The following GRAMD4 variants were observed in gnomAD, a reference collection of about 807,000 sequenced individuals.
GRAMD4 encodes GRAM domain-containing protein 4.
In GRAMD4, 25 loss-of-function variants were observed where a neutral mutation model predicts 83.9. The observed-to-expected ratio is 0.30, with a 90% CI of 0.22 to 0.42. The LOEUF (loss-of-function observed/expected upper bound fraction) is 0.42, where lower values mean the gene tolerates loss of function less well. GRAMD4 is among the 10% of genes least tolerant of loss of function. The pLI is 1.00. For synonymous variants in GRAMD4, 336 were observed against 320.9 expected, an observed-to-expected ratio of 1.05 and a Z score of -0.50; for missense variants, 593 against 788.7, an observed-to-expected ratio of 0.75 and a Z score of 2.97.
At chr22:46,665,539 G>A (rs538447804) in intron 8 of GRAMD4, 76 bp from the exon 9 acceptor site, 4 of 781,898 alleles carry the variant, frequency 5.1e-6, no homozygotes, top group South Asian at 3.0e-5. Context: ...GCCGCCTGGT[G>A]GGGGGAGGCG....
intron 4 of GRAMD4, 35 bp downstream of exon 4, chr22:46,658,342 C>T (rs968876282): frequency 9.0e-6 from 14 of 1,549,206 alleles, no homozygotes; most frequent in South Asian, 8.2e-5. Flanking sequence ...GGCCTGTGTG[C>T]GGCTGCCCCA....
At chr22:46,616,662 C>CTG (rs199604804), upstream of GRAMD4, among the ~76,000 whole-genome samples, 8 of 68,490 alleles carry the variant, frequency 1.2e-4, no homozygotes, top group African/African-American at 3.2e-4. Flanking sequence ...GTACGTTCCC[C>CTG]TGTGTGTAGG....
intron 3 of GRAMD4, among the ~76,000 whole-genome samples, chr22:46,641,761 C>G (rs1316099055): frequency 6.6e-6 from 1 of 152,194 alleles, no homozygotes; most frequent in East Asian, 1.9e-4. Flanking sequence ...GATTATTGCT[C>G]AGAGCCATCA....
chr22:46,648,767 CATGGATGG>C (rs1220197647), intron 3 of GRAMD4, among the ~76,000 whole-genome samples: 8 of 24,772 alleles, frequency 3.2e-4, no homozygotes, highest in South Asian at 1.5e-3. Context: ...TGGATGGATG[CATGGATGG>C]ATGGATGGAT....
chr22:46,613,801 G>GCTGCTTC (rs1293307804), intron 1 of GRAMD4, among the ~76,000 whole-genome samples: 3 of 152,136 alleles, frequency 2.0e-5, no homozygotes, highest in Non-Finnish European at 2.9e-5. Flanking sequence ...TGCCCGGCTT[G>GCTGCTTC]CTGCTTCCTG....
intron 1 of GRAMD4, among the ~76,000 whole-genome samples, chr22:46,602,001 C>T (rs1198636457): frequency 6.6e-6 from 1 of 152,206 alleles, no homozygotes; most frequent in South Asian, 2.1e-4. Flanking sequence ...CTCCTCTCCT[C>T]CTCCTCGTTT....
chr22:46,651,159 C>T lies in GRAMD4; in HGVS notation c.284-7028C>T, dbSNP rs542388728. ...GAGCAGACCCCTGGATGAGAACTCA[C>T]GAGGCAGGCACAGATTTCTCTTTCC... On this transcript the variant is annotated intron_variant, in intron 3 of 18. Transcript: ENST00000406902. Among the ~76,000 whole-genome samples, 161 of 152,318 alleles carry T rather than the reference C, an allele frequency of 1.1e-3. 1 individual carries two copies. The highest frequency in any genetic ancestry group is 4.8e-3 in the South Asian group (23 of 4,828).
At chr22:46,675,718 C>G (rs549883425) in intron 17 of GRAMD4, among the ~76,000 whole-genome samples, 166 bp downstream of exon 17, 2 of 152,222 alleles carry the variant, frequency 1.3e-5, no homozygotes, top group African/African-American at 4.8e-5. Flanking sequence ...CCCCATGTCC[C>G]TGTGGGTCTG....
chr22:46,643,151 C>CCATG (rs2082006917), intron 3 of GRAMD4, among the ~76,000 whole-genome samples: 4 of 5,738 alleles, frequency 7.0e-4, no homozygotes, highest in East Asian at 9.4e-3. Context: ...TTCCATCCAT[C>CCATG]CATCCATCCA....
intron 3 of GRAMD4, among the ~76,000 whole-genome samples, chr22:46,643,280 T>TATCC (rs2082016130): frequency 4.9e-5 from 6 of 123,388 alleles, no homozygotes; most frequent in East Asian, 2.4e-4. Flanking sequence ...TCCATCCATC[T>TATCC]ATCCATCCAT....
intron 8 of GRAMD4, among the ~76,000 whole-genome samples, chr22:46,664,697 C>T (rs1256661020): frequency 6.6e-6 from 1 of 152,198 alleles, no homozygotes; most frequent in African/African-American, 2.4e-5. Flanking sequence ...AGCCCCCTCA[C>T]CCAGGATGGA....
chr22:46,611,612 C>G (rs138513), intron 1 of GRAMD4, among the ~76,000 whole-genome samples: 7 of 151,916 alleles, frequency 4.6e-5, no homozygotes, highest in African/African-American at 7.3e-5. Flanking sequence ...TTGTACACTC[C>G]GAGAAAGGCT....
intron 2 of GRAMD4, among the ~76,000 whole-genome samples, chr22:46,635,655 CCCACTCCCAG>C (rs1383718675): frequency 6.4e-5 from 9 of 139,832 alleles, no homozygotes; most frequent in Non-Finnish European, 1.2e-4. Context: ...CCTCCCTGCC[CCCACTCCCAG>C]CCACCCCTGT....
At chr22:46,600,185 A>C (rs749449368) in intron 1 of GRAMD4, among the ~76,000 whole-genome samples, 34 of 152,108 alleles carry the variant, frequency 2.2e-4, no homozygotes, top group Non-Finnish European at 4.3e-4. Flanking sequence ...CCTGCCTGTG[A>C]CCAGTGCCCG....
chr22:46,639,784 G>A (rs957824534), intron 3 of GRAMD4, among the ~76,000 whole-genome samples: 1 of 152,104 alleles, frequency 6.6e-6, no homozygotes, highest in Non-Finnish European at 1.5e-5. Flanking sequence ...GACACTGGTC[G>A]TTCTGAGGAC....
chr22:46,658,223 C>T lies in GRAMD4; in HGVS notation c.320C>T (p.Ala107Val), dbSNP rs765841447. 3.3e-5 allele frequency: 54 copies of T among 1,613,602 alleles called. 1 individual carries two copies. The Admixed American group carries it at 5.3e-4, about 16-fold the overall frequency. The change falls in exon 4 of 19, where the codon GCG becomes GTG. Residue 107 changes from alanine to valine, a missense_variant. Coordinates refer to ENST00000406902, the MANE Select transcript of GRAMD4 (RefSeq NM_015124.5). ...ELRKLREETN[A>V]EMLRQELDRE... is the part of the protein sequence containing the mutation. The stretch of plus-strand genomic sequence containing the variant: ...CGGAAGCTGCGAGAAGAAACCAACG[C>T]GGAGATGCTGCGGCAGGAGCTGGAC...
At chr22:46,615,450 G>A (rs1209706642), upstream of GRAMD4, among the ~76,000 whole-genome samples, 2 of 128,184 alleles carry the variant, frequency 1.6e-5, no homozygotes, top group Non-Finnish European at 3.3e-5. Context: ...TGTGCGTGTC[G>A]GTTTCCCCGT....
At chr22:46,609,895 G>C (rs1433880553) in intron 1 of GRAMD4, among the ~76,000 whole-genome samples, 1 of 152,230 alleles carries the variant, frequency 6.6e-6, no homozygotes, top group East Asian at 1.9e-4. Flanking sequence ...CCCGGCTGCT[G>C]GTAGGTGTGG....
At chr22:46,616,744 GTTCCCCTGTGTGTGTGGC>G (rs2081503582), upstream of GRAMD4, among the ~76,000 whole-genome samples, 1 of 134,740 alleles carries the variant, frequency 7.4e-6, no homozygotes, top group African/African-American at 2.9e-5. Context: ...GTGTGTGCAG[GTTCCCCTGTGTGTGTGGC>G]TTCCCCTGTG....
Sources: gnomAD v4.1 joint callset for allele counts (sites outside exome capture counted in the v4.1 genomes callset) on GRCh38, gnomAD v4.1.1 for gene constraint, MANE v1.5 for transcripts, NCBI Gene and HGNC (gene_info 2026-07-23, HGNC 2026-07-21) for gene names.